The following AAGAB variants were observed in gnomAD, a reference collection of about 807,000 sequenced individuals.
AAGAB encodes alpha and gamma adaptin binding protein, also known as alpha- and gamma-adaptin-binding protein p34.
In AAGAB, 38 loss-of-function variants were observed where a neutral mutation model predicts 44.1. That is an observed-to-expected ratio of 0.86 (90% CI 0.67 to 1.13). AAGAB has a LOEUF of 1.13. Among genes scored for constraint, AAGAB ranks in the 50% most tolerant of loss-of-function variants. The probability of loss-of-function intolerance (pLI) is 0.00; values close to 1 mark genes in which losing one functional copy is unlikely to be tolerated. For synonymous variants in AAGAB, 131 were observed against 131.8 expected, an observed-to-expected ratio of 0.99 and a Z score of 0.04; for missense variants, 450 against 373.8, an observed-to-expected ratio of 1.20 and a Z score of -1.68.
chr15:67,250,127 T>G (rs1377260814), intron 1 of AAGAB, among the ~76,000 whole-genome samples: 1 of 152,204 alleles, frequency 6.6e-6, no homozygotes, highest in Non-Finnish European at 1.5e-5. Flanking sequence ...CTTACATATC[T>G]TCATTTTAAT....
At chr15:67,219,152 A>G (rs35322464) in intron 5 of AAGAB, among the ~76,000 whole-genome samples, 32,928 of 152,058 alleles carry the variant, frequency 0.22, 4,229 homozygotes, top group East Asian at 0.48. Flanking sequence ...TTTCTCAACC[A>G]TTTTCAGTAC....
upstream of AAGAB, chr15:67,254,956 C>T (rs760146170): frequency 9.3e-6 from 15 of 1,612,310 alleles, 1 homozygote; most frequent in Admixed American, 1.3e-4. Context: ...AGGTGGGAAA[C>T]GGGCTTCCCC....
intron 5 of AAGAB, among the ~76,000 whole-genome samples, chr15:67,222,097 C>T (rs928964299): frequency 6.6e-6 from 1 of 152,136 alleles, no homozygotes; most frequent in Non-Finnish European, 1.5e-5. Context: ...CCACTCTCCT[C>T]TTTTTAGCTT....
chr15:67,239,599 A>AT (rs762549889), intron 1 of AAGAB, among the ~76,000 whole-genome samples: 66 of 151,610 alleles, frequency 4.4e-4, no homozygotes, highest in African/African-American at 6.0e-4. Context: ...TACTTATCAG[A>AT]TTTTTTTTTA....
At chr15:67,240,974 G>A (rs1197609008) in intron 1 of AAGAB, among the ~76,000 whole-genome samples, 2 of 151,400 alleles carry the variant, frequency 1.3e-5, no homozygotes, top group South Asian at 4.2e-4. Context: ...ACTCTCTTTA[G>A]CATGAATTAG....
intron 5 of AAGAB, among the ~76,000 whole-genome samples, chr15:67,230,620 AACTATGAGACAATGCATTC>A: frequency 6.6e-6 from 1 of 152,298 alleles, no homozygotes; most frequent in Non-Finnish European, 1.5e-5. Context: ...TGGCTTTCAG[AACTATGAGACAATGCATTC>A]ATGCTGTTCT....
chr15:67,236,076 A>C lies in AAGAB; in HGVS notation c.362-8T>G. The C allele has an allele frequency of 6.3e-7, 1 of 1,582,932 alleles. No homozygotes were observed. ...CTTTTTGTCGGTTTATACCTAAAAT[A>C]ATATGCAAAAGAATCTTCATAAGTA... On this transcript the variant is annotated splice_region_variant and splice_polypyrimidine_tract_variant and intron_variant, in intron 3 of 9. Transcript: ENST00000261880.
At chr15:67,209,667 T>A (rs1045155749) in intron 5 of AAGAB, 123 bp from the exon 6 acceptor site, 17 of 757,040 alleles carry the variant, frequency 2.2e-5, no homozygotes, top group Middle Eastern at 3.6e-4. Flanking sequence ...ATATATATAT[T>A]TTTGAGACAG....
chr15:67,208,962 G>A (rs528216267), intron 6 of AAGAB, among the ~76,000 whole-genome samples: 52 of 152,252 alleles, frequency 3.4e-4, no homozygotes, highest in Non-Finnish European at 2.6e-4. Context: ...TAACACAATC[G>A]TAACACAAAT....
In AAGAB at chr15:67,230,021, AT is replaced by A. The variant is rs541197918; in HGVS notation, c.535+1792del. Among the ~76,000 whole-genome samples the A allele has an allele frequency of 3.9e-3, 549 of 142,146 alleles. 2 individuals carry two copies. Among genetic ancestry groups the A allele is most frequent in the Non-Finnish European group, 5.7e-3 (372 of 64,720 alleles). 93.3% of individuals were successfully genotyped at this position (142,146 alleles called of 152,430 possible). On this transcript the variant is annotated intron_variant, in intron 5 of 9. Coordinates refer to ENST00000261880, the MANE Select transcript of AAGAB (RefSeq NM_024666.5). ...GCCATCACACCCAGCTAATTTTTGT[AT>A]TTTTTTTTTTTAGCAGAGACGGGGT...
At chr15:67,238,917 G>A (rs924345546) in intron 1 of AAGAB, among the ~76,000 whole-genome samples, 3 of 152,024 alleles carry the variant, frequency 2.0e-5, no homozygotes, top group African/African-American at 4.8e-5. Flanking sequence ...GGATGGTCTC[G>A]ATCTCCTGAC....
In AAGAB at chr15:67,202,651, A is replaced by G. The variant is rs1595975481; in HGVS notation, c.*170T>C. On this transcript the variant is annotated 3_prime_UTR_variant, in exon 10 of 10. Transcript: ENST00000261880. ...CTCTCTTACAATATACTGAGGAAAA[A>G]AAAGATTTCTCCTTAACCTCCTACT... 1.3e-5 allele frequency: 8 copies of G among 612,074 alleles called. No homozygotes were observed. The East Asian group carries it at 1.9e-4, about 15-fold the overall frequency. The allele number at this position is 612,074 out of a possible 1,614,324, so 37.9% of individuals were successfully genotyped here. A position where few individuals can be genotyped will look rare whatever the true frequency, so the allele number is the denominator to read the frequency against.
intron 5 of AAGAB, among the ~76,000 whole-genome samples, chr15:67,215,472 G>C (rs1469664782): frequency 6.6e-6 from 1 of 152,132 alleles, no homozygotes; most frequent in Non-Finnish European, 1.5e-5. Context: ...TCATATTTCA[G>C]TTTTTATTTC....
intron 1 of AAGAB, among the ~76,000 whole-genome samples, chr15:67,239,020 C>T (rs1016673918): frequency 6.6e-6 from 1 of 152,078 alleles, no homozygotes; most frequent in African/African-American, 2.4e-5. Context: ...TTAAAAATAG[C>T]AAACTGAGTA....
intron 5 of AAGAB, chr15:67,220,988 T>C (rs1180393487): frequency 6.6e-6 from 1 of 152,246 alleles, no homozygotes; most frequent in East Asian, 1.9e-4. Context: ...GTCTCTGAGT[T>C]ATAGCAATCT....
At chr15:67,254,501 C>A in intron 1 of AAGAB, 58 bp downstream of exon 1, 1 of 1,536,978 alleles carries the variant, frequency 6.5e-7, no homozygotes, top group Non-Finnish European at 8.8e-7. Context: ...GGTGCTGGGT[C>A]CGTCGCCCGC....
chr15:67,252,897 A>G (rs1292797788), intron 1 of AAGAB, among the ~76,000 whole-genome samples: 1 of 152,246 alleles, frequency 6.6e-6, no homozygotes, highest in African/African-American at 2.4e-5. Flanking sequence ...CAAAGAAATT[A>G]TAATTATACA....
intron 1 of AAGAB, among the ~76,000 whole-genome samples, chr15:67,241,852 A>G (rs1040842781): frequency 6.6e-6 from 1 of 152,194 alleles, no homozygotes; most frequent in African/African-American, 2.4e-5. Context: ...ATACATTACA[A>G]TCAGGAAATA....
intron 1 of AAGAB, among the ~76,000 whole-genome samples, chr15:67,244,678 C>T (rs1964679092): frequency 6.6e-6 from 1 of 152,072 alleles, no homozygotes; most frequent in Non-Finnish European, 1.5e-5. Context: ...GTGGCACACA[C>T]CTGTAATGCC....
Sources: allele counts gnomAD v4.1 joint callset (sites outside exome capture counted in the v4.1 genomes callset), GRCh38; gene constraint gnomAD v4.1.1; transcripts MANE v1.5; gene names NCBI Gene and HGNC (gene_info 2026-07-23, HGNC 2026-07-21).